Variants in NPSR1 observed in about 807,000 individuals in gnomAD.
The protein encoded by NPSR1 is neuropeptide S receptor.
A neutral mutation model predicts 46.9 loss-of-function variants in NPSR1; 48 were observed. The ratio of observed to expected loss-of-function variants is 1.02; its 90% CI spans 0.81 to 1.30. The LOEUF is 1.30. Among genes scored for constraint, NPSR1 ranks in the 50% most tolerant of loss-of-function variants. The pLI is 0.00. For missense variants in NPSR1, 450 were observed against 449.5 expected (o/e 1.00, Z -0.01); for synonymous variants, 176 against 168.1 (o/e 1.05, Z -0.36).
intron 1 of NPSR1, among the ~76,000 whole-genome samples, chr7:34,663,466 C>T (rs1791576695): frequency 6.6e-6 from 1 of 152,128 alleles, no homozygotes; most frequent in African/African-American, 2.4e-5. Flanking sequence ...CAACTTCCAC[C>T]TCATGATAGA....
intron 1 of NPSR1, among the ~76,000 whole-genome samples, chr7:34,661,872 C>T (rs984850023): frequency 2.0e-5 from 3 of 152,300 alleles, no homozygotes; most frequent in Middle Eastern, 3.4e-3. Flanking sequence ...TTTCAAGAAT[C>T]TACCAGAAGT....
chr7:34,764,412 T>C (rs1237209209), intron 2 of NPSR1, among the ~76,000 whole-genome samples: 1 of 152,234 alleles, frequency 6.6e-6, no homozygotes, highest in Non-Finnish European at 1.5e-5. Context: ...AAATCCATCC[T>C]GCAGCTTATT....
intron 2 of NPSR1, among the ~76,000 whole-genome samples, chr7:34,718,428 T>C (rs578178986): frequency 6.6e-6 from 1 of 152,196 alleles, no homozygotes; most frequent in Non-Finnish European, 1.5e-5. Context: ...GTTTTGACTT[T>C]GCAGATCCCC....
chr7:34,660,597 T>C (rs374051552), intron 1 of NPSR1, among the ~76,000 whole-genome samples: 13 of 152,198 alleles, frequency 8.5e-5, no homozygotes, highest in East Asian at 7.7e-4. Context: ...AAAATAAAAA[T>C]AGCAGCAGCA....
chr7:34,721,593 A>C (rs1253816824), intron 2 of NPSR1, among the ~76,000 whole-genome samples: 1 of 152,224 alleles, frequency 6.6e-6, no homozygotes, highest in East Asian at 1.9e-4. Context: ...GTTAAAGAAA[A>C]AGGCCCCAAA....
chr7:34,756,806 T>G (rs893636800), intron 2 of NPSR1, among the ~76,000 whole-genome samples: 3 of 152,240 alleles, frequency 2.0e-5, no homozygotes, highest in African/African-American at 7.2e-5. Flanking sequence ...GACATATTAC[T>G]TACATTCACT....
At chr7:34,756,166 G>A (rs190113435) in intron 2 of NPSR1, among the ~76,000 whole-genome samples, 173 of 152,250 alleles carry the variant, frequency 1.1e-3, no homozygotes, top group Middle Eastern at 6.8e-3. Context: ...TCAACAGCTC[G>A]GATTGTTCTC....
At chr7:34,815,627 G>T (rs1238189892) in intron 4 of NPSR1, among the ~76,000 whole-genome samples, 1 of 152,204 alleles carries the variant, frequency 6.6e-6, no homozygotes. Flanking sequence ...GATTCACCAA[G>T]GTTAAAATGA....
At chr7:34,807,711 A>G (rs777283927) in intron 3 of NPSR1, among the ~76,000 whole-genome samples, 5 of 152,150 alleles carry the variant, frequency 3.3e-5, no homozygotes, top group Non-Finnish European at 5.9e-5. Context: ...TTCTTAATGA[A>G]AGACCTTAAG....
At chr7:34,803,848 G>C (rs1385253014) in intron 3 of NPSR1, among the ~76,000 whole-genome samples, 7 of 151,110 alleles carry the variant, frequency 4.6e-5, no homozygotes, top group Non-Finnish European at 1.0e-4. Context: ...TTAAAAGAAT[G>C]ATAAATAAAT....
rs145977047 is a variant in NPSR1 at position 34,849,650 on chromosome 7, A to G, written c.1111A>G (p.Ile371Val). Residue 371 changes from isoleucine to valine, a missense_variant, in exon 9 of 9, where the codon ATC becomes GTC. Transcript: ENST00000360581. ...GCAGATTCTGTCCAAGCCAGAATTC[A>G]TCTAGACCCTAGGGCAGTGCCAGTG... is the stretch of plus-strand genomic sequence containing the variant. ...EMQILSKPEF[I>V] 64 of 1,614,036 alleles carry G rather than the reference A, an allele frequency of 4.0e-5. No homozygotes were observed. The African/African-American group carries it at 8.3e-4, about 21-fold the overall frequency.
intron 2 of NPSR1, among the ~76,000 whole-genome samples, chr7:34,773,393 T>G (rs1001819860): frequency 1.3e-5 from 2 of 152,132 alleles, no homozygotes; most frequent in Non-Finnish European, 2.9e-5. Context: ...ATTAAGTGGG[T>G]CCCCTGATCA....
At chr7:34,804,511 A>C (rs1788590200) in intron 3 of NPSR1, among the ~76,000 whole-genome samples, 1 of 152,108 alleles carries the variant, frequency 6.6e-6, no homozygotes, top group Non-Finnish European at 1.5e-5. Context: ...ACTGGAAACA[A>C]AGAGAAACTG....
At chr7:34,774,850 C>A (rs1786872613) in intron 2 of NPSR1, among the ~76,000 whole-genome samples, 1 of 152,122 alleles carries the variant, frequency 6.6e-6, no homozygotes, top group Non-Finnish European at 1.5e-5. Context: ...GTATATGGGA[C>A]CAAAAATATT....
intron 2 of NPSR1, among the ~76,000 whole-genome samples, chr7:34,749,718 T>C (rs1408963976): frequency 1.3e-5 from 2 of 152,246 alleles, no homozygotes. Flanking sequence ...CTGATTATTG[T>C]AATAACTGAC....
chr7:34,725,099 T>TCTCACACA (rs1784068080), intron 2 of NPSR1, among the ~76,000 whole-genome samples: 2 of 146,534 alleles, frequency 1.4e-5, no homozygotes, highest in African/African-American at 2.5e-5. Context: ...ACACACAGAC[T>TCTCACACA]CACACACACA....
chr7:34,780,299 C>T (rs918566536), intron 3 of NPSR1, among the ~76,000 whole-genome samples: 2 of 152,154 alleles, frequency 1.3e-5, no homozygotes, highest in Non-Finnish European at 2.9e-5. Flanking sequence ...TTTTCCAAAG[C>T]ATTTGATAAC....
At chr7:34,682,411 C>A (rs181895370) in intron 1 of NPSR1, among the ~76,000 whole-genome samples, 1 of 152,306 alleles carries the variant, frequency 6.6e-6, no homozygotes, top group Admixed American at 6.5e-5. Context: ...TATATTAGAA[C>A]AATTTGAGGA....
intron 3 of NPSR1, 135 bp from the exon 4 acceptor site, chr7:34,811,635 C>T: frequency 1.7e-6 from 1 of 574,758 alleles, no homozygotes; most frequent in Non-Finnish European, 3.1e-6. Flanking sequence ...GAGTTATTTC[C>T]CTTCCTAATC....
Sources: gnomAD v4.1 joint callset for allele counts (sites outside exome capture counted in the v4.1 genomes callset) on GRCh38, gnomAD v4.1.1 for gene constraint, MANE v1.5 for transcripts, NCBI Gene and HGNC (gene_info 2026-07-23, HGNC 2026-07-21) for gene names.